PIK3R3: variants seen among roughly 807,000 people sequenced by gnomAD.
The protein encoded by PIK3R3 is phosphatidylinositol 3-kinase regulatory subunit gamma.
In PIK3R3, 64 loss-of-function variants were observed where a neutral mutation model predicts 62.9. The observed-to-expected ratio is 1.02, with a 90% confidence interval of 0.83 to 1.25. The LOEUF (loss-of-function observed/expected upper bound fraction) is 1.25. Ranked by LOEUF, PIK3R3 falls within the 50% of genes most tolerant of loss-of-function variation. The pLI is 0.00. For missense variants in PIK3R3, 614 were observed against 561.6 expected (o/e 1.09, Z -0.94); for synonymous variants, 165 against 189.0 (o/e 0.87, Z 1.04).
intron 6 of PIK3R3, among the ~76,000 whole-genome samples, chr1:46,060,504 ATAAT>A (rs1648386887): frequency 6.6e-6 from 1 of 152,208 alleles, no homozygotes; most frequent in Admixed American, 6.5e-5. Context: ...AAATAAATAA[ATAAT>A]TATCATTTAC....
At chr1:46,096,082 C>G (rs1652096359) in intron 1 of PIK3R3, among the ~76,000 whole-genome samples, 2 of 152,198 alleles carry the variant, frequency 1.3e-5, no homozygotes, top group African/African-American at 4.8e-5. Flanking sequence ...CCGTGCCCGA[C>G]ACAATGGATT....
intron 1 of PIK3R3, among the ~76,000 whole-genome samples, chr1:46,089,120 G>T (rs1651362983): frequency 1.3e-5 from 2 of 152,132 alleles, no homozygotes; most frequent in South Asian, 4.1e-4. Flanking sequence ...CCTGAATGAT[G>T]TGCTCCACCA....
At chr1:46,060,366 T>C (rs1648370067) in intron 6 of PIK3R3, among the ~76,000 whole-genome samples, 1 of 151,918 alleles carries the variant, frequency 6.6e-6, no homozygotes, top group Non-Finnish European at 1.5e-5. Flanking sequence ...GGGGGGTGCC[T>C]GTAATCCCAG....
At chr1:46,143,831 T>C in the PIK3R3 span, among the ~76,000 whole-genome samples, 1 of 152,170 alleles carries the variant, frequency 6.6e-6, no homozygotes, top group African/African-American at 2.4e-5. Context: ...TAAAGTCTTC[T>C]AGCTACTTTG....
At chr1:46,061,636 G>T (rs1323877932) in intron 6 of PIK3R3, among the ~76,000 whole-genome samples, 1 of 152,190 alleles carries the variant, frequency 6.6e-6, no homozygotes, top group Non-Finnish European at 1.5e-5. Flanking sequence ...AGGCACTGTA[G>T]GGACCCAAAA....
At chr1:46,074,198 G>A (rs1302832274) in intron 3 of PIK3R3, among the ~76,000 whole-genome samples, 4 of 145,574 alleles carry the variant, frequency 2.7e-5, no homozygotes, top group Non-Finnish European at 6.0e-5. Context: ...GCTGAGGCAG[G>A]AGAATGGTGG....
rs554947717 is a variant in PIK3R3 at position 46,043,016 on chromosome 1, G to A, written c.*657C>T. Reference sequence around the variant, plus strand: ...CATTGGTCTGGCAACAAACTGTTTTGTTGGCTTCTGAACATAATACTTCTT... The same window carrying A: ...CATTGGTCTGGCAACAAACTGTTTTATTGGCTTCTGAACATAATACTTCTT... On this transcript the variant is annotated 3_prime_UTR_variant, in exon 10 of 10. Transcript: ENST00000262741. 95 of 223,010 alleles carry A rather than the reference G, an allele frequency of 4.3e-4. No individual in the cohort carries two copies. In the Middle Eastern group the frequency reaches 5.5e-3, roughly 13 times the overall value. 13.8% of individuals were successfully genotyped at this position (223,010 alleles called of 1,614,324 possible). A position where few individuals can be genotyped will look rare whatever the true frequency, so the allele number is the denominator to read the frequency against.
chr1:46,169,986 G>C, the PIK3R3 span, among the ~76,000 whole-genome samples: 17 of 152,054 alleles, frequency 1.1e-4, no homozygotes, highest in African/African-American at 4.1e-4. Flanking sequence ...CTCTCCACAG[G>C]GTCCTCTATC....
upstream of PIK3R3, among the ~76,000 whole-genome samples, chr1:46,136,071 T>C (rs1655920195): frequency 8.3e-6 from 1 of 120,502 alleles, no homozygotes; most frequent in Non-Finnish European, 1.6e-5. Flanking sequence ...GGAAATATAC[T>C]TTTTTTTTTT....
chr1:46,106,932 C>T (rs985160224), intron 1 of PIK3R3, among the ~76,000 whole-genome samples: 3 of 152,056 alleles, frequency 2.0e-5, no homozygotes, highest in African/African-American at 7.2e-5. Flanking sequence ...CGTGCAACCA[C>T]GCCTGGCTAA....
intron 1 of PIK3R3, among the ~76,000 whole-genome samples, chr1:46,123,064 C>T (rs1654815663): frequency 6.6e-6 from 1 of 151,788 alleles, no homozygotes; most frequent in Non-Finnish European, 1.5e-5. Flanking sequence ...AAATGAGACC[C>T]TGTCTCAAAA....
At chr1:46,080,824 C>G (rs892705011) in intron 1 of PIK3R3, 74 bp from the exon 2 acceptor site, 7 of 900,994 alleles carry the variant, frequency 7.8e-6, no homozygotes, top group East Asian at 4.9e-5. Flanking sequence ...GAGCAGCTCA[C>G]TAACCAAGGT....
intron 1 of PIK3R3, among the ~76,000 whole-genome samples, chr1:46,109,761 C>A (rs113892364): frequency 6.6e-6 from 1 of 152,116 alleles, no homozygotes; most frequent in Non-Finnish European, 1.5e-5. Flanking sequence ...GGATTACAGG[C>A]GTGAGCTACC....
the PIK3R3 span, among the ~76,000 whole-genome samples, chr1:46,164,320 T>C: frequency 6.6e-6 from 1 of 152,132 alleles, no homozygotes; most frequent in Non-Finnish European, 1.5e-5. Context: ...ATTCAATTCA[T>C]CACCAAGACC....
intron 9 of PIK3R3, 101 bp from the exon 10 acceptor site, chr1:46,043,972 G>GT: frequency 9.7e-7 from 1 of 1,035,210 alleles, no homozygotes. Flanking sequence ...GCAAACAAGT[G>GT]TTTTTTGTTA....
chr1:46,113,442 T>C (rs1355531587), intron 1 of PIK3R3, among the ~76,000 whole-genome samples: 1 of 151,792 alleles, frequency 6.6e-6, no homozygotes. Context: ...TACAGTCATG[T>C]GCCACCACAC....
chr1:46,109,027 T>C (rs767572246), intron 1 of PIK3R3, among the ~76,000 whole-genome samples: 5 of 152,012 alleles, frequency 3.3e-5, no homozygotes, highest in Admixed American at 6.6e-5. Context: ...GGCATGGTAG[T>C]GAGCGCCTAT....
At chr1:46,071,849 C>T (rs150492875) in intron 3 of PIK3R3, among the ~76,000 whole-genome samples, 16 of 151,020 alleles carry the variant, frequency 1.1e-4, no homozygotes, top group African/African-American at 3.6e-4. Flanking sequence ...TACAAACTCC[C>T]AAGTTTTGGA....
chr1:46,066,038 A>C lies in PIK3R3; in HGVS notation c.621+16T>G. On this transcript the variant is annotated intron_variant, in intron 5 of 9. Transcript: ENST00000262741. ...CATTGCACACATATTAGTCAAAAAC[A>C]ACATAATATACCAACCTGGGATGTT... 6.2e-7 allele frequency: 1 copy of C among 1,604,728 alleles called. No individual in the cohort carries two copies. Among genetic ancestry groups the C allele is most frequent in the South Asian group, 1.1e-5 (1 of 90,822 alleles).
Sources: gnomAD v4.1 joint callset for allele counts (sites outside exome capture counted in the v4.1 genomes callset) on GRCh38, gnomAD v4.1.1 for gene constraint, MANE v1.5 for transcripts, NCBI Gene and HGNC (gene_info 2026-07-23, HGNC 2026-07-21) for gene names.